The following AKAP8L variants were observed in gnomAD, a reference collection of about 807,000 sequenced individuals.
AKAP8L encodes the protein A-kinase anchor protein 8-like.
A neutral mutation model predicts 77.5 loss-of-function variants in AKAP8L; 34 were observed. The ratio of observed to expected loss-of-function variants is 0.44; its 90% confidence interval spans 0.33 to 0.58. The LOEUF is 0.58. Among genes scored for constraint, AKAP8L ranks in the 20% least tolerant of loss-of-function variants. The probability of loss-of-function intolerance (pLI) is 0.02; values close to 1 mark genes in which losing one functional copy is unlikely to be tolerated. For missense variants in AKAP8L, 806 were observed against 887.6 expected (o/e 0.91, Z 1.17); for synonymous variants, 342 against 340.7 (o/e 1.00, Z -0.04).
At chr19:15,380,684 G>T in intron 12 of AKAP8L, 72 bp from the exon 13 acceptor site, 1 of 1,458,956 alleles carries the variant, frequency 6.9e-7, no homozygotes, top group Non-Finnish European at 9.5e-7. Context: ...GACCCTGCCA[G>T]CTTAGAGGGA....
intron 1 of AKAP8L, among the ~76,000 whole-genome samples, chr19:15,414,167 C>G (rs1043988215): frequency 6.7e-6 from 1 of 150,030 alleles, no homozygotes; most frequent in Non-Finnish European, 1.5e-5. Flanking sequence ...CAGGCTCAAG[C>G]GATTCTCCTG....
intron 2 of AKAP8L, among the ~76,000 whole-genome samples, chr19:15,406,892 G>A (rs1424017237): frequency 2.0e-5 from 3 of 152,112 alleles, no homozygotes; most frequent in Non-Finnish European, 4.4e-5. Context: ...CTACCTACTC[G>A]GTGACATATC....
intron 2 of AKAP8L, among the ~76,000 whole-genome samples, chr19:15,408,777 C>A (rs1968052548): frequency 6.7e-6 from 1 of 149,210 alleles, no homozygotes; most frequent in African/African-American, 2.5e-5. Context: ...GAGGCTGAAG[C>A]GGGAGAATGG....
intron 2 of AKAP8L, chr19:15,404,292 C>G: frequency 2.0e-6 from 1 of 507,282 alleles, no homozygotes; most frequent in South Asian, 2.6e-5. Flanking sequence ...AACTAAGGAA[C>G]TTGGCTCCTA....
At position 15,383,851 on chromosome 19, in the gene AKAP8L, T is replaced by C. The variant is rs1353875350; in HGVS notation, c.1537-3239A>G. 3 of 152,146 alleles carry C rather than the reference T, an allele frequency of 2.0e-5. No individual in the cohort carries two copies. In the East Asian group the frequency reaches 5.8e-4, roughly 29 times the overall value. The allele number at this position is 152,146 out of a possible 1,614,324, so 9.4% of individuals were successfully genotyped here. A position where few individuals can be genotyped will look rare whatever the true frequency, so the allele number is the denominator to read the frequency against. On this transcript the variant is annotated intron_variant, in intron 12 of 13. Coordinates refer to ENST00000397410, the MANE Select transcript of AKAP8L (RefSeq NM_014371.4). ...CTGTCTATATTAATTTGGAGAGAAC[T>C]GGTTTTTGTTTTGTTTCACTATTAA...
rs1199765926 is a variant in AKAP8L at position 15,415,814 on chromosome 19, A to G, written c.13+3097T>C. 2.0e-5 allele frequency among the ~76,000 whole-genome samples: 3 copies of G among 149,910 alleles called. No homozygotes were observed. In the East Asian group the frequency reaches 6.2e-4, roughly 31 times the overall value. On this transcript the variant is annotated intron_variant, in intron 1 of 13. Transcript: ENST00000397410. ...GGCAGGAGAATGGCATGAACCTGGGAGGCGGAGCTTGCAGTGGGCCGAGAT... is the reference window on the plus strand; with the variant it reads ...GGCAGGAGAATGGCATGAACCTGGGGGGCGGAGCTTGCAGTGGGCCGAGAT...
chr19:15,396,484 G>A (rs769063226), intron 12 of AKAP8L, among the ~76,000 whole-genome samples: 5 of 152,148 alleles, frequency 3.3e-5, no homozygotes, highest in Non-Finnish European at 5.9e-5. Context: ...TCTCCATGCC[G>A]CACAACACAC....
chr19:15,401,766 G>C lies in AKAP8L; in HGVS notation c.363-163C>G, dbSNP rs569624755. Among the ~76,000 whole-genome samples the C allele has an allele frequency of 2.2e-4, 34 of 152,330 alleles. No individual in the cohort carries two copies. Among genetic ancestry groups the C allele is most frequent in the Admixed American group, 1.5e-3 (23 of 15,306 alleles). On this transcript the variant is annotated intron_variant, in intron 4 of 13. Transcript: ENST00000397410. This position sits in a 1 kb window ranked among gnomAD's most constrained non-coding sequence, Gnocchi z 6.2. ...ATTAAAGAGTTCCAGCCTCTCAGCTGATATAGGGGCACCACTGCCCCAAAC... is the reference window on the plus strand; with the variant it reads ...ATTAAAGAGTTCCAGCCTCTCAGCTCATATAGGGGCACCACTGCCCCAAAC...
intron 2 of AKAP8L, among the ~76,000 whole-genome samples, chr19:15,405,691 A>C (rs1967982537): frequency 6.6e-6 from 1 of 151,530 alleles, no homozygotes; most frequent in African/African-American, 2.4e-5. Context: ...TGGGAGGCCA[A>C]GGTGGGTGGA....
At chr19:15,407,833 T>C (rs1014232480) in intron 2 of AKAP8L, among the ~76,000 whole-genome samples, 1 of 152,238 alleles carries the variant, frequency 6.6e-6, no homozygotes, top group South Asian at 2.1e-4. Flanking sequence ...ATTTGATAGA[T>C]CTATAGATCC....
At chr19:15,390,280 G>C (rs1967633706) in intron 12 of AKAP8L, among the ~76,000 whole-genome samples, 2 of 151,968 alleles carry the variant, frequency 1.3e-5, no homozygotes, top group African/African-American at 4.8e-5. Flanking sequence ...AGCCGGGCAT[G>C]ATGTCACACA....
intron 2 of AKAP8L, among the ~76,000 whole-genome samples, chr19:15,408,116 G>A (rs1352428219): frequency 6.6e-6 from 1 of 152,096 alleles, no homozygotes; most frequent in Non-Finnish European, 1.5e-5. Flanking sequence ...CCAACATGGT[G>A]AAACCAGTCT....
chr19:15,395,706 C>A (rs969915041), intron 12 of AKAP8L, among the ~76,000 whole-genome samples: 1 of 149,752 alleles, frequency 6.7e-6, no homozygotes, highest in Non-Finnish European at 1.5e-5. Context: ...GTTTTTAGGC[C>A]GGGCGCGGTG....
Position 15,403,506 on chromosome 19 carries a change from G to T in AKAP8L, c.331C>A (p.Gln111Lys). ...CCACCTGAGCCGTACACGCCTCCTT[G>T]CATCATGTCTGTCTCCAAATGCGGC... ...MVPHLETDMM[Q>K]GGVYGSGGER... Residue 111 changes from glutamine to lysine, a missense_variant, in exon 4 of 14, where the codon CAA becomes AAA. Gln to Lys is a moderately conservative substitution (Grantham distance 53, BLOSUM62 1). Coordinates refer to ENST00000397410, the MANE Select transcript of AKAP8L (RefSeq NM_014371.4). The surrounding 1 kb of genome is among the most constrained non-coding windows in gnomAD (Gnocchi z 4.3). 11 of 1,613,994 alleles carry T rather than the reference G, an allele frequency of 6.8e-6. No individual in the cohort carries two copies. Among genetic ancestry groups the T allele is most frequent in the Non-Finnish European group, 9.3e-6 (11 of 1,179,880 alleles).
intron 1 of AKAP8L, among the ~76,000 whole-genome samples, chr19:15,414,353 G>A (rs375628309): frequency 1.2e-4 from 18 of 149,186 alleles, no homozygotes; most frequent in South Asian, 8.6e-4. Context: ...CACCACGCCC[G>A]GCCTAAATTC....
Position 15,380,275 on chromosome 19 carries a change from G to C in AKAP8L, c.1788C>G (p.Ala596=), listed in dbSNP as rs1568258181. The part of the protein sequence containing the change: ...PAQPPVPPEP[A]PGAVSPPPPP... ...GCGGTGGCGGCGACACGGCCCCGGG[G>C]GCTGGCTCTGGGGGCACGGGAGGCT... The change falls in exon 14 of 14, where the codon GCC becomes GCG. Residue 596 remains alanine (A), a synonymous_variant. Coordinates refer to ENST00000397410, the MANE Select transcript of AKAP8L (RefSeq NM_014371.4). The C allele has an allele frequency of 2.6e-6, 4 of 1,517,094 alleles. No homozygotes were observed. In the South Asian group the frequency reaches 4.9e-5, roughly 18 times the overall value. The allele number at this position is 1,517,094 out of a possible 1,614,324, so 94.0% of individuals were successfully genotyped here.
chr19:15,413,627 G>C (rs557350550), intron 1 of AKAP8L, among the ~76,000 whole-genome samples: 1 of 152,298 alleles, frequency 6.6e-6, no homozygotes, highest in South Asian at 2.1e-4. Flanking sequence ...GAAACACTGA[G>C]AGCAGCTTTG....
chr19:15,410,787 T>C (rs879363259), intron 1 of AKAP8L, among the ~76,000 whole-genome samples, 193 bp from the exon 2 acceptor site: 2 of 152,226 alleles, frequency 1.3e-5, no homozygotes, highest in Non-Finnish European at 2.9e-5. Flanking sequence ...ATGTTTAACT[T>C]GCTATACCAG....
chr19:15,400,944 C>T lies in AKAP8L; in HGVS notation c.913+3G>A. 6.2e-7 allele frequency: 1 copy of T among 1,613,964 alleles called. No individual in the cohort carries two copies. Among genetic ancestry groups the T allele is most frequent in the Non-Finnish European group, 8.5e-7 (1 of 1,179,870 alleles). On this transcript the variant is annotated splice_donor_region_variant and intron_variant, in intron 6 of 13. Transcript: ENST00000397410. ...GCCGCCCAGTACCACCTAGTGGGCT[C>T]ACCATTGTCTGAGTCGCTGTTGTCC... is the stretch of plus-strand genomic sequence containing the variant.
Sources: gnomAD v4.1 joint callset for allele counts (sites outside exome capture counted in the v4.1 genomes callset) on GRCh38, gnomAD v4.1.1 for gene constraint, Gnocchi (gnomAD v3.1) non-coding constraint, MANE v1.5 for transcripts, NCBI Gene and HGNC (gene_info 2026-07-23, HGNC 2026-07-21) for gene names.